TCERG1L: variants seen among roughly 807,000 people sequenced by gnomAD.
TCERG1L encodes transcription elongation regulator 1-like protein.
A neutral mutation model predicts 56.3 loss-of-function variants in TCERG1L; 37 were observed. That is an observed-to-expected ratio of 0.66 (90% CI 0.51 to 0.87). TCERG1L has a LOEUF of 0.87. TCERG1L is among the 40% of genes least tolerant of loss of function. The pLI, the probability that TCERG1L is intolerant of heterozygous loss-of-function variation, is 0.00. For missense variants in TCERG1L, 799 were observed against 774.2 expected (o/e 1.03, Z -0.38); for synonymous variants, 324 against 326.3 (o/e 0.99, Z 0.08).
intron 4 of TCERG1L, among the ~76,000 whole-genome samples, chr10:131,217,708 C>CG (rs1845684598): frequency 1.3e-5 from 1 of 79,046 alleles, no homozygotes; most frequent in Non-Finnish European, 2.3e-5. Flanking sequence ...AGTAGCTGCC[C>CG]TTTTTTTTTT....
At chr10:131,106,222 T>A (rs1845350462) in intron 9 of TCERG1L, among the ~76,000 whole-genome samples, 1 of 152,028 alleles carries the variant, frequency 6.6e-6, no homozygotes, top group Non-Finnish European at 1.5e-5. Context: ...CCAAGCTGGG[T>A]GTTGAGGATC....
intron 4 of TCERG1L, among the ~76,000 whole-genome samples, chr10:131,242,782 C>A (rs1467694030): frequency 1.3e-5 from 2 of 152,192 alleles, no homozygotes; most frequent in Non-Finnish European, 2.9e-5. Flanking sequence ...GATGAGGATG[C>A]TGCACCTGTG....
intron 4 of TCERG1L, among the ~76,000 whole-genome samples, chr10:131,194,598 G>A (rs1845337557): frequency 6.6e-6 from 1 of 152,124 alleles, no homozygotes; most frequent in Non-Finnish European, 1.5e-5. Context: ...GTTATATTGA[G>A]AAATTTCCTC....
intron 4 of TCERG1L, among the ~76,000 whole-genome samples, chr10:131,188,318 C>T (rs1364805359): frequency 2.6e-5 from 4 of 152,150 alleles, no homozygotes; most frequent in African/African-American, 4.8e-5. Flanking sequence ...GGCACGCGCT[C>T]CTCATTTCCA....
intron 10 of TCERG1L, among the ~76,000 whole-genome samples, chr10:131,101,643 C>T (rs1366257361): frequency 6.6e-6 from 1 of 152,202 alleles, no homozygotes; most frequent in African/African-American, 2.4e-5. Flanking sequence ...CTGCCTATGC[C>T]CTCCAGTGAT....
chr10:131,144,482 T>A (rs905589072), intron 7 of TCERG1L, among the ~76,000 whole-genome samples: 1 of 151,970 alleles, frequency 6.6e-6, no homozygotes, highest in Non-Finnish European at 1.5e-5. Flanking sequence ...GCTCTCTGAG[T>A]GCATTTTCGG....
chr10:131,225,258 C>T (rs1845779189), intron 4 of TCERG1L, among the ~76,000 whole-genome samples: 2 of 152,186 alleles, frequency 1.3e-5, no homozygotes, highest in Non-Finnish European at 2.9e-5. Context: ...GCCCTACAAA[C>T]CAGACATCAA....
intron 6 of TCERG1L, among the ~76,000 whole-genome samples, chr10:131,152,369 T>C (rs766522740): frequency 1.3e-5 from 2 of 152,198 alleles, no homozygotes; most frequent in Non-Finnish European, 2.9e-5. Flanking sequence ...TGCTAAAGCA[T>C]AGCAAAAGTG....
In TCERG1L at chr10:131,308,257, G is replaced by C. The variant is rs775602159; in HGVS notation, c.624C>G (p.Ala208=). ...VAVSLSRPAP[A]SRPLPTVVLA... ...ACACCACCGTGGGGAGCGGCCTGGA[G>C]GCAGGAGCCGGCCTGGACAGAGACA... Residue 208 remains alanine (A), a synonymous_variant, in exon 3 of 12, where the codon GCC becomes GCG. Coordinates refer to ENST00000368642, the MANE Select transcript of TCERG1L (RefSeq NM_174937.4). The C allele has an allele frequency of 6.2e-7, 1 of 1,613,984 alleles. No homozygotes were observed.
At chr10:131,176,238 G>A (rs1018617328) in intron 4 of TCERG1L, among the ~76,000 whole-genome samples, 15 of 151,384 alleles carry the variant, frequency 9.9e-5, no homozygotes, top group Non-Finnish European at 2.1e-4. Context: ...ACAGATACCC[G>A]TGCACACACA....
intron 10 of TCERG1L, among the ~76,000 whole-genome samples, chr10:131,102,366 G>A (rs906386112): frequency 6.6e-6 from 1 of 152,174 alleles, no homozygotes; most frequent in African/African-American, 2.4e-5. Context: ...CGAGGGCTGG[G>A]AACGGGAGTG....
chr10:131,135,334 C>T (rs1845663334), intron 7 of TCERG1L, among the ~76,000 whole-genome samples: 1 of 152,160 alleles, frequency 6.6e-6, no homozygotes, highest in Non-Finnish European at 1.5e-5. Context: ...TTCCCAGTGA[C>T]CGCTGAGCCT....
chr10:131,208,167 G>A (rs528390670), intron 4 of TCERG1L, among the ~76,000 whole-genome samples: 2 of 152,336 alleles, frequency 1.3e-5, no homozygotes, highest in African/African-American at 4.8e-5. Context: ...AGTCACCTGT[G>A]ATCTCTTGAT....
Position 131,221,874 on chromosome 10 carries a change from C to T in TCERG1L, c.856+38385G>A, listed in dbSNP as rs149967538. 8.2e-3 allele frequency among the ~76,000 whole-genome samples: 1,252 copies of T among 152,314 alleles called. 19 individuals are homozygous for T. The highest frequency in any genetic ancestry group is 0.029 in the African/African-American group (1,202 of 41,570). ...GTTGGGAGTACCTTCCCGCACAGGG[C>T]AAATGAGAATCTGCGTGGGCATCCC... On this transcript the variant is annotated intron_variant, in intron 4 of 11. Coordinates refer to ENST00000368642, the MANE Select transcript of TCERG1L (RefSeq NM_174937.4).
At chr10:131,243,962 G>T (rs1276818205) in intron 4 of TCERG1L, among the ~76,000 whole-genome samples, 1 of 152,178 alleles carries the variant, frequency 6.6e-6, no homozygotes, top group African/African-American at 2.4e-5. Context: ...CTCTATTTGG[G>T]GATGGTTTGC....
At chr10:131,242,252 T>C (rs1398335914) in intron 4 of TCERG1L, among the ~76,000 whole-genome samples, 4 of 152,124 alleles carry the variant, frequency 2.6e-5, no homozygotes, top group African/African-American at 7.2e-5. Flanking sequence ...GCTGAGAGTA[T>C]AGACATCTAG....
At chr10:131,251,127 A>C (rs1211534202) in intron 4 of TCERG1L, among the ~76,000 whole-genome samples, 2 of 152,166 alleles carry the variant, frequency 1.3e-5, no homozygotes, top group African/African-American at 4.8e-5. Flanking sequence ...CAAGACACTG[A>C]GAAATTCCAG....
intron 6 of TCERG1L, among the ~76,000 whole-genome samples, chr10:131,147,402 G>A (rs964753571): frequency 6.6e-5 from 10 of 152,238 alleles, no homozygotes; most frequent in Admixed American, 3.9e-4. Flanking sequence ...GGGAGCCTGC[G>A]GCATGGAGGT....
intron 4 of TCERG1L, among the ~76,000 whole-genome samples, chr10:131,181,882 C>T (rs545529719): frequency 6.6e-6 from 1 of 152,260 alleles, no homozygotes; most frequent in Non-Finnish European, 1.5e-5. Flanking sequence ...TTTGCAAATA[C>T]ATTGGGAACA....
Sources: gnomAD v4.1 joint callset for allele counts (sites outside exome capture counted in the v4.1 genomes callset) on GRCh38, gnomAD v4.1.1 for gene constraint, MANE v1.5 for transcripts, NCBI Gene and HGNC (gene_info 2026-07-23, HGNC 2026-07-21) for gene names.